TNNI3K: variants seen among roughly 807,000 people sequenced by gnomAD.
TNNI3K encodes the protein TNNI3 interacting kinase, also known as serine/threonine-protein kinase TNNI3K.
TNNI3K carries 140 observed loss-of-function variants against 114.5 expected under a neutral mutation model. The ratio of observed to expected loss-of-function variants is 1.22; its 90% CI spans 1.07 to 1.41. The LOEUF is 1.41. TNNI3K is among the 40% of genes most tolerant of loss of function. The probability of loss-of-function intolerance (pLI) is 0.00; values close to 1 mark genes in which losing one functional copy is unlikely to be tolerated. For synonymous variants in TNNI3K, 347 were observed against 347.5 expected (o/e 1.00, Z 0.02); for missense variants, 1,125 against 1,007.6 (o/e 1.12, Z -1.58).
chr1:74,477,467 C>T (rs1668262101), intron 21 of TNNI3K, among the ~76,000 whole-genome samples: 1 of 151,964 alleles, frequency 6.6e-6, no homozygotes, highest in Non-Finnish European at 1.5e-5. Context: ...ACTCACCTGT[C>T]AGGAACAAAA....
intron 23 of TNNI3K, among the ~76,000 whole-genome samples, chr1:74,528,246 T>C (rs1399695056): frequency 6.6e-6 from 1 of 151,900 alleles, no homozygotes; most frequent in African/African-American, 2.4e-5. Flanking sequence ...GTGAAGAAGG[T>C]GTACGTGTGG....
intron 23 of TNNI3K, among the ~76,000 whole-genome samples, chr1:74,504,162 G>A (rs546595639): frequency 2.6e-4 from 39 of 152,320 alleles, no homozygotes; most frequent in Middle Eastern, 6.8e-3. Context: ...GATTGCTAGT[G>A]CCCTCTGCAT....
At chr1:74,335,867 G>A in intron 6 of TNNI3K, 144 bp from the exon 7 acceptor site, 4 of 800,730 alleles carry the variant, frequency 5.0e-6, no homozygotes, top group Non-Finnish European at 7.4e-6. Flanking sequence ...ATCAACCCTA[G>A]AATTGTTCCA....
At chr1:74,416,196 T>C in intron 17 of TNNI3K, 15 of 677,972 alleles carry the variant, frequency 2.2e-5, no homozygotes, top group Non-Finnish European at 2.7e-5. Flanking sequence ...GCATGAAGCA[T>C]AGCATAGCAC....
chr1:74,463,386 G>T, intron 20 of TNNI3K, 55 bp from the exon 21 acceptor site: 1 of 1,583,680 alleles, frequency 6.3e-7, no homozygotes, highest in Non-Finnish European at 8.7e-7. Flanking sequence ...GTCTTCATTT[G>T]TTGCTTGAAA....
intron 21 of TNNI3K, among the ~76,000 whole-genome samples, chr1:74,488,678 G>C (rs1668889289): frequency 6.6e-6 from 1 of 152,140 alleles, no homozygotes; most frequent in Non-Finnish European, 1.5e-5. Context: ...TAATGGCACT[G>C]TCTGAAGGTA....
At chr1:74,470,145 A>T (rs1210872051) in intron 21 of TNNI3K, 2 of 400,594 alleles carry the variant, frequency 5.0e-6, no homozygotes, top group Non-Finnish European at 4.4e-6. Context: ...TAACTTCAGG[A>T]TCTACTTCAC....
intron 17 of TNNI3K, among the ~76,000 whole-genome samples, chr1:74,405,525 G>A (rs544380099): frequency 2.1e-4 from 32 of 152,242 alleles, no homozygotes; most frequent in African/African-American, 3.4e-4. Flanking sequence ...ACTGATATGC[G>A]GAGAACTAGA....
intron 21 of TNNI3K, among the ~76,000 whole-genome samples, chr1:74,485,714 A>T (rs1364811695): frequency 2.0e-5 from 3 of 152,212 alleles, no homozygotes; most frequent in Non-Finnish European, 4.4e-5. Flanking sequence ...CACAGAGTGG[A>T]AGTCAGGCAT....
At chr1:74,301,075 A>G (rs1658301928) in intron 5 of TNNI3K, among the ~76,000 whole-genome samples, 1 of 152,196 alleles carries the variant, frequency 6.6e-6, no homozygotes, top group South Asian at 2.1e-4. Context: ...TATAAAATAC[A>G]TACACATATT....
Position 74,471,240 on chromosome 1 carries a change from C to T in TNNI3K, c.2121+7690C>T. 7.5e-6 allele frequency: 3 copies of T among 400,672 alleles called. 1 individual carries two copies. The South Asian group carries it at 3.8e-4, about 50-fold the overall frequency. 24.8% of individuals were successfully genotyped at this position (400,672 alleles called of 1,614,324 possible). On this transcript the variant is annotated intron_variant, in intron 21 of 24. Transcript: ENST00000326637. Reference sequence around the variant, plus strand: ...TGTTTCGTTGATAATATGGGGTCTGCTTTGAGTCATGTTTCAGAGGCAGCC... The same window carrying T: ...TGTTTCGTTGATAATATGGGGTCTGTTTTGAGTCATGTTTCAGAGGCAGCC...
Position 74,307,215 on chromosome 1 carries a change from T to C in TNNI3K, c.445-24235T>C, listed in dbSNP as rs77844020. Reference sequence around the variant, plus strand: ...GCCCACAAACCCTATAAAGCAACTATACAATTGAGACTGTAGAGCAACTAG... The same window carrying C: ...GCCCACAAACCCTATAAAGCAACTACACAATTGAGACTGTAGAGCAACTAG... On this transcript the variant is annotated intron_variant, in intron 5 of 24. Transcript: ENST00000326637. Among the ~76,000 whole-genome samples, 3 of 152,310 alleles carry C rather than the reference T, an allele frequency of 2.0e-5. No individual in the cohort carries two copies. In the East Asian group the frequency reaches 5.8e-4, roughly 29 times the overall value.
intron 17 of TNNI3K, among the ~76,000 whole-genome samples, chr1:74,399,586 C>T (rs574054698): frequency 9.9e-5 from 15 of 151,672 alleles, no homozygotes; most frequent in Admixed American, 2.6e-4. Context: ...GGGGGGCGGG[C>T]GGTGGACACA....
chr1:74,460,236 T>G (rs1667398519), intron 20 of TNNI3K, among the ~76,000 whole-genome samples: 1 of 152,188 alleles, frequency 6.6e-6, no homozygotes, highest in Admixed American at 6.5e-5. Context: ...TCCAGCTAAT[T>G]TTTTGTGTTT....
chr1:74,471,220 C>T (rs1410517807), intron 21 of TNNI3K: 3 of 400,500 alleles, frequency 7.5e-6, no homozygotes, highest in African/African-American at 2.1e-5. Flanking sequence ...TTTAGTGTTT[C>T]GTTGATAATA....
At chr1:74,308,173 A>G (rs974844446) in intron 5 of TNNI3K, among the ~76,000 whole-genome samples, 2 of 152,138 alleles carry the variant, frequency 1.3e-5, no homozygotes, top group Non-Finnish European at 2.9e-5. Context: ...AACCTAATAG[A>G]CATCTACAGA....
rs534025763 is a variant in TNNI3K at position 74,336,072 on chromosome 1, G to T, written c.605G>T (p.Arg202Ile). The T allele has an allele frequency of 1.9e-6, 3 of 1,602,304 alleles. No homozygotes were observed. In the South Asian group the frequency reaches 3.4e-5, roughly 18 times the overall value. Residue 202 changes from arginine to isoleucine, a missense_variant, in exon 7 of 25, where the codon AGA becomes ATA. Arg to Ile is a moderately conservative substitution (Grantham distance 97). Coordinates refer to ENST00000326637, the MANE Select transcript of TNNI3K (RefSeq NM_015978.3). ...DVNVSGEVGDRPLHLASAKGF... is the reference protein window; with the variant it reads ...DVNVSGEVGDIPLHLASAKGF... ...AATGTAAGTGGTGAAGTTGGAGATAGACCCCTCCACCTAGCATCTGCAAAA... is the reference window on the plus strand; with the variant it reads ...AATGTAAGTGGTGAAGTTGGAGATATACCCCTCCACCTAGCATCTGCAAAA...
At chr1:74,394,764 G>A (rs1486530979) in intron 17 of TNNI3K, among the ~76,000 whole-genome samples, 1 of 152,218 alleles carries the variant, frequency 6.6e-6, no homozygotes, top group Non-Finnish European at 1.5e-5. Context: ...AAACACTTAG[G>A]CCGGGCGCAG....
intron 23 of TNNI3K, among the ~76,000 whole-genome samples, chr1:74,499,359 T>A (rs974208479): frequency 6.6e-6 from 1 of 152,208 alleles, no homozygotes; most frequent in Non-Finnish European, 1.5e-5. Context: ...TTGCCCAGGC[T>A]GGTCTCCTAA....
Sources: allele counts gnomAD v4.1 joint callset (sites outside exome capture counted in the v4.1 genomes callset), GRCh38; gene constraint gnomAD v4.1.1; transcripts MANE v1.5; gene names NCBI Gene and HGNC (gene_info 2026-07-23, HGNC 2026-07-21).